C5AR1: variants seen among roughly 807,000 people sequenced by gnomAD.
The protein encoded by C5AR1 is C5a anaphylatoxin chemotactic receptor 1.
Under a neutral mutation model 2.4 loss-of-function variants are expected in C5AR1, and 4 were observed. That is an observed-to-expected ratio of 1.65 (90% CI 0.81 to 3.77). C5AR1 has a LOEUF of 3.77. Ranked by LOEUF, C5AR1 falls within the 30% of genes most tolerant of loss-of-function variation. The probability of loss-of-function intolerance (pLI) is 0.01; values close to 1 mark genes in which losing one functional copy is unlikely to be tolerated. For missense variants in C5AR1, 418 were observed against 462.5 expected, an observed-to-expected ratio of 0.90 and a Z score of 0.88; for synonymous variants, 209 against 210.4, an observed-to-expected ratio of 0.99 and a Z score of 0.06.
chr19:47,311,655 C>A (rs1220909806), intron 1 of C5AR1, among the ~76,000 whole-genome samples: 1 of 152,156 alleles, frequency 6.6e-6, no homozygotes. Flanking sequence ...ACCTCTGCCT[C>A]GCGGCTTCAA....
Position 47,320,334 on chromosome 19 carries a change from T to C in C5AR1, c.557T>C (p.Val186Ala), listed in dbSNP as rs1411841506. 1 of 1,610,006 alleles carries C rather than the reference T, an allele frequency of 6.2e-7. No individual in the cohort carries two copies. The highest frequency in any genetic ancestry group is 8.5e-7 in the Non-Finnish European group (1 of 1,179,990). ...CGGGAGGAGTACTTTCCACCAAAGG[T>C]GTTGTGTGGCGTGGACTACAGCCAC... Reference protein sequence around the residue: ...VVREEYFPPKVLCGVDYSHDK... With the variant: ...VVREEYFPPKALCGVDYSHDK... The change falls in exon 2 of 2, where the codon GTG becomes GCG. Residue 186 changes from valine (V) to alanine (A), a missense_variant. By Grantham distance (64) the Val-to-Ala change is moderately conservative (BLOSUM62 0). Coordinates refer to ENST00000355085, the MANE Select transcript of C5AR1 (RefSeq NM_001736.4). This position sits in a 1 kb window ranked among gnomAD's most constrained non-coding sequence, Gnocchi z 4.9.
chr19:47,311,900 G>A (rs772489418), intron 1 of C5AR1, among the ~76,000 whole-genome samples: 46 of 151,886 alleles, frequency 3.0e-4, no homozygotes, highest in Non-Finnish European at 5.4e-4. Context: ...TACCCTACCT[G>A]GGGCAACCAT....
intron 1 of C5AR1, among the ~76,000 whole-genome samples, chr19:47,314,131 CCT>C (rs1394798128): frequency 3.3e-5 from 5 of 152,148 alleles, no homozygotes; most frequent in African/African-American, 1.2e-4. Context: ...GCTCTCTGCC[CCT>C]TTCTCCATGC....
chr19:47,321,161 C>T lies in C5AR1; in HGVS notation c.*331C>T, dbSNP rs1364693013. On this transcript the variant is annotated 3_prime_UTR_variant, in exon 2 of 2. Coordinates refer to ENST00000355085, the MANE Select transcript of C5AR1 (RefSeq NM_001736.4). ...TATGGCAATAGGTGTGAACAGGGAA[C>T]TCAGAATACAGACAAGTAGAAAGAT... 1 of 164,940 alleles carries T rather than the reference C, an allele frequency of 6.1e-6. No homozygotes were observed. Among genetic ancestry groups the T allele is most frequent in the African/African-American group, 2.6e-5 (1 of 38,866 alleles). 10.2% of individuals were successfully genotyped at this position (164,940 alleles called of 1,614,324 possible).
Position 47,319,999 on chromosome 19 carries a change from G to C in C5AR1, c.222G>C (p.Trp74Cys). 1 of 1,614,236 alleles carries C rather than the reference G, an allele frequency of 6.2e-7. No homozygotes were observed. The highest frequency in any genetic ancestry group is 8.5e-7 in the Non-Finnish European group (1 of 1,180,052). ...CCAAGCGGACCATCAATGCCATCTG[G>C]TTCCTCAACTTGGCGGTAGCCGACT... ...FEAKRTINAI[W>C]FLNLAVADFL... The change falls in exon 2 of 2, where the codon TGG becomes TGC. Residue 74 changes from tryptophan (W) to cysteine (C), a missense_variant. Transcript: ENST00000355085.
chr19:47,320,459 C>G lies in C5AR1; in HGVS notation c.682C>G (p.Arg228Gly). The part of the protein sequence containing the change: ...LTICYTFILL[R>G]TWSRRATRST... ...GATTTGTTACACTTTCATCCTGCTC[C>G]GGACGTGGAGCCGCAGGGCCACGCG... Residue 228 changes from arginine (R) to glycine (G), a missense_variant, in exon 2 of 2, where the codon CGG (arginine) becomes GGG (glycine). Physicochemically the swap from Arg to Gly is moderately radical, Grantham distance 125. Coordinates refer to ENST00000355085, the MANE Select transcript of C5AR1 (RefSeq NM_001736.4). This position sits in a 1 kb window ranked among gnomAD's most constrained non-coding sequence, Gnocchi z 4.9. 1.2e-6 allele frequency: 2 copies of G among 1,612,904 alleles called. No homozygotes were observed. The highest frequency in any genetic ancestry group is 1.3e-5 in the African/African-American group (1 of 75,040).
intron 1 of C5AR1, among the ~76,000 whole-genome samples, chr19:47,318,902 T>TTTTG (rs2059298584): frequency 6.7e-6 from 1 of 148,876 alleles, no homozygotes; most frequent in African/African-American, 2.5e-5. Flanking sequence ...TTTTTTTTTT[T>TTTTG]TTAGATGGAG....
At chr19:47,317,097 G>C (rs547364243) in intron 1 of C5AR1, among the ~76,000 whole-genome samples, 5 of 151,670 alleles carry the variant, frequency 3.3e-5, no homozygotes, top group Admixed American at 6.6e-5. Flanking sequence ...AGAGGCTGAG[G>C]CAGGAGGATT....
At chr19:47,313,658 G>C (rs1453200450) in intron 1 of C5AR1, among the ~76,000 whole-genome samples, 2 of 151,872 alleles carry the variant, frequency 1.3e-5, no homozygotes, top group Non-Finnish European at 2.9e-5. Context: ...GCTAGCAAAT[G>C]GTGTGAATCC....
chr19:47,314,520 CCCA>C (rs1318731452), intron 1 of C5AR1, among the ~76,000 whole-genome samples: 8 of 151,414 alleles, frequency 5.3e-5, no homozygotes, highest in Admixed American at 4.6e-4. Flanking sequence ...GCCTCAGCCT[CCCA>C]GATAGCTGGG....
At chr19:47,308,010 C>T (rs1342900694), upstream of C5AR1, among the ~76,000 whole-genome samples, 13 of 151,270 alleles carry the variant, frequency 8.6e-5, no homozygotes, top group African/African-American at 3.1e-4. Flanking sequence ...GTCAGGAGTT[C>T]GAGATCAGCC....
chr19:47,311,994 T>C (rs1408604874), intron 1 of C5AR1, among the ~76,000 whole-genome samples: 2 of 152,186 alleles, frequency 1.3e-5, no homozygotes, highest in African/African-American at 2.4e-5. Flanking sequence ...AAGTAAGGAC[T>C]AGTGTGATGC....
intron 1 of C5AR1, among the ~76,000 whole-genome samples, chr19:47,316,860 G>A (rs2059290818): frequency 1.3e-5 from 2 of 151,528 alleles, no homozygotes; most frequent in South Asian, 2.1e-4. Context: ...TTGGGCAGGT[G>A]CAATGTAAGG....
Position 47,320,078 on chromosome 19 carries a change from C to A in C5AR1, c.301C>A (p.His101Asn). 6.2e-7 allele frequency: 1 copy of A among 1,614,224 alleles called. No individual in the cohort carries two copies. The highest frequency in any genetic ancestry group is 8.5e-7 in the Non-Finnish European group (1 of 1,180,052). ...GTTCACGTCCATTGTACAGCATCAC[C>A]ACTGGCCCTTTGGCGGGGCCGCCTG... Reference protein sequence around the residue: ...ILFTSIVQHHHWPFGGAACSI... With the variant: ...ILFTSIVQHHNWPFGGAACSI... Residue 101 changes from histidine (H) to asparagine (N), a missense_variant, in exon 2 of 2, where the codon CAC (histidine) becomes AAC (asparagine). Transcript: ENST00000355085. The surrounding 1 kb of genome is among the most constrained non-coding windows in gnomAD (Gnocchi z 4.9).
In C5AR1 at chr19:47,320,280, C is replaced by A. The variant is rs2122143082; in HGVS notation, c.503C>A (p.Thr168Asn). 6.2e-7 allele frequency: 1 copy of A among 1,613,220 alleles called. No homozygotes were observed. The highest frequency in any genetic ancestry group is 8.5e-7 in the Non-Finnish European group (1 of 1,180,026). Residue 168 changes from threonine to asparagine, a missense_variant, in exon 2 of 2, where the codon ACC becomes AAC. By Grantham distance (65) the Thr-to-Asn change is moderately conservative (BLOSUM62 0). Transcript: ENST00000355085. The surrounding 1 kb of genome is among the most constrained non-coding windows in gnomAD (Gnocchi z 4.9). ...AVAWGLALLL[T>N]IPSFLYRVVR... ...GCTTGGGGTTTAGCCCTGCTGCTGA[C>A]CATACCCTCCTTCCTGTACCGGGTG...
chr19:47,320,800 C>T lies in C5AR1; in HGVS notation c.1023C>T (p.Asp341=), dbSNP rs763754211. ...ESKSFTRSTV[D]TMAQKTQAV ...AGTCATTCACGCGCTCCACAGTGGACACTATGGCCCAGAAGACCCAGGCAG... is the reference window on the plus strand; with the variant it reads ...AGTCATTCACGCGCTCCACAGTGGATACTATGGCCCAGAAGACCCAGGCAG... Residue 341 remains aspartate, a synonymous_variant, in exon 2 of 2, where the codon GAC becomes GAT. Coordinates refer to ENST00000355085, the MANE Select transcript of C5AR1 (RefSeq NM_001736.4). This position sits in a 1 kb window ranked among gnomAD's most constrained non-coding sequence, Gnocchi z 4.9. 1 of 1,612,782 alleles carries T rather than the reference C, an allele frequency of 6.2e-7. No homozygotes were observed. Among genetic ancestry groups the T allele is most frequent in the Non-Finnish European group, 8.5e-7 (1 of 1,178,932 alleles).
Position 47,320,272 on chromosome 19 carries a change from G to A in C5AR1, c.495G>A (p.Leu165=), listed in dbSNP as rs1273352358. The change falls in exon 2 of 2, where the codon CTG becomes CTA. Residue 165 remains leucine, a synonymous_variant. Transcript: ENST00000355085. The surrounding 1 kb of genome is among the most constrained non-coding windows in gnomAD (Gnocchi z 4.9). ...GTGCCGTGGCTTGGGGTTTAGCCCT[G>A]CTGCTGACCATACCCTCCTTCCTGT... ...IACAVAWGLA[L]LLTIPSFLYR... is the part of the protein sequence containing the mutation. 2 of 1,613,244 alleles carry A rather than the reference G, an allele frequency of 1.2e-6. No homozygotes were observed. Among genetic ancestry groups the A allele is most frequent in the Non-Finnish European group, 1.7e-6 (2 of 1,180,046 alleles).
chr19:47,317,921 C>T (rs867489229), intron 1 of C5AR1, among the ~76,000 whole-genome samples: 1 of 149,986 alleles, frequency 6.7e-6, no homozygotes, highest in Non-Finnish European at 1.5e-5. Flanking sequence ...GCAGAGGTTG[C>T]AGTGACCCGA....
At position 47,319,639 on chromosome 19, in the gene C5AR1, G is replaced by A. The variant is rs113089550; in HGVS notation, c.4-142G>A. On this transcript the variant is annotated intron_variant, in intron 1 of 1. Transcript: ENST00000355085. ...TTTTAATAAGTGGTGTGACACCCTA[G>A]TTGACTCTCAGCCCTCAGCATCCCC... The A allele has an allele frequency of 1.2e-3, 789 of 633,566 alleles. 4 individuals carry two copies. In the African/African-American group the frequency reaches 0.013, roughly 10 times the overall value. 39.2% of individuals were successfully genotyped at this position (633,566 alleles called of 1,614,324 possible).
Sources: gnomAD v4.1 joint callset for allele counts (sites outside exome capture counted in the v4.1 genomes callset) on GRCh38, gnomAD v4.1.1 for gene constraint, Gnocchi (gnomAD v3.1) non-coding constraint, MANE v1.5 for transcripts, NCBI Gene and HGNC (gene_info 2026-07-23, HGNC 2026-07-21) for gene names.